Variants in LRP1B observed in about 807,000 individuals in gnomAD.
The protein encoded by LRP1B is low-density lipoprotein receptor-related protein 1B.
LRP1B carries 217 observed loss-of-function variants against 556.6 expected under a neutral mutation model. The ratio of observed to expected loss-of-function variants is 0.39; its 90% CI spans 0.35 to 0.44. The LOEUF (loss-of-function observed/expected upper bound fraction) is 0.44, where lower values mean the gene tolerates loss of function less well. LRP1B is among the 20% of genes least tolerant of loss of function. The probability of loss-of-function intolerance (pLI) is 1.00; values close to 1 mark genes in which losing one functional copy is unlikely to be tolerated. For synonymous variants in LRP1B, 2,047 were observed against 1,865.8 expected (o/e 1.10, Z -2.50); for missense variants, 5,053 against 5,620.8 (o/e 0.90, Z 3.23).
At chr2:140,821,207 TA>T (rs1330839203) in intron 31 of LRP1B, among the ~76,000 whole-genome samples, 1 of 152,162 alleles carries the variant, frequency 6.6e-6, no homozygotes, top group East Asian at 1.9e-4. Flanking sequence ...TAGGGTCTAG[TA>T]CCTAGTGTAC....
intron 3 of LRP1B, among the ~76,000 whole-genome samples, chr2:141,449,108 C>A (rs749049361): frequency 6.6e-6 from 1 of 152,172 alleles, no homozygotes; most frequent in Admixed American, 6.5e-5. Flanking sequence ...ACTGCCATTA[C>A]CTTTTTTGTT....
At chr2:141,534,035 A>G (rs1438267482) in intron 2 of LRP1B, among the ~76,000 whole-genome samples, 2 of 131,894 alleles carry the variant, frequency 1.5e-5, no homozygotes, top group Non-Finnish European at 1.8e-5. Context: ...ACGAGAGAGA[A>G]GGAAAAAGAG....
intron 2 of LRP1B, among the ~76,000 whole-genome samples, chr2:141,691,462 G>GC: frequency 1.8e-5 from 1 of 55,774 alleles, no homozygotes; most frequent in Non-Finnish European, 3.3e-5. Context: ...CAGGTAATCA[G>GC]CCAACACACA....
At chr2:140,712,105 G>A (rs865782451) in intron 37 of LRP1B, among the ~76,000 whole-genome samples, 4 of 152,062 alleles carry the variant, frequency 2.6e-5, no homozygotes, top group Non-Finnish European at 5.9e-5. Flanking sequence ...TTTCTTTGGA[G>A]GATTATCCTG....
rs112855247 is a variant in LRP1B at position 140,456,263 on chromosome 2, G to A, written c.9963+192C>T. 5.0e-3 allele frequency among the ~76,000 whole-genome samples: 758 copies of A among 151,662 alleles called. 9 individuals are homozygous for A. The highest frequency in any genetic ancestry group is 0.016 in the African/African-American group (652 of 41,394). ...TTTCTTTCTCTCTCTTTTTTTGTTT[G>A]TTTGTTTCCTTTTTGGCCTTTATTT... is the stretch of plus-strand genomic sequence containing the variant. On this transcript the variant is annotated intron_variant, in intron 62 of 90. Transcript: ENST00000389484.
intron 7 of LRP1B, among the ~76,000 whole-genome samples, chr2:141,104,564 T>C (rs570505308): frequency 1.2e-4 from 19 of 152,098 alleles, no homozygotes; most frequent in Non-Finnish European, 2.4e-4. Context: ...TGTTTCCTCT[T>C]CTCCGCTAGA....
At chr2:141,522,670 T>C (rs1412713408) in intron 2 of LRP1B, among the ~76,000 whole-genome samples, 2 of 152,086 alleles carry the variant, frequency 1.3e-5, no homozygotes, top group Non-Finnish European at 2.9e-5. Context: ...GGTTCAAATA[T>C]TGGAAACATA....
chr2:140,721,845 C>T (rs1008928141), intron 35 of LRP1B, among the ~76,000 whole-genome samples: 2 of 151,644 alleles, frequency 1.3e-5, no homozygotes, highest in Non-Finnish European at 2.9e-5. Flanking sequence ...CCCTCTGAGG[C>T]AAATTGTTTC....
At position 140,286,269 on chromosome 2, in the gene LRP1B, A is replaced by C. The variant is rs573239617; in HGVS notation, c.12967+11539T>G. 2.6e-5 allele frequency among the ~76,000 whole-genome samples: 4 copies of C among 151,960 alleles called. No individual in the cohort carries two copies. In the South Asian group the frequency reaches 8.3e-4, roughly 32 times the overall value. On this transcript the variant is annotated intron_variant, in intron 84 of 90. Transcript: ENST00000389484. The stretch of plus-strand genomic sequence containing the variant: ...AGTTATAAATTTTTATAAATATTGG[A>C]TCATCCAAGGCTGGTTCGTCCTATT...
At chr2:141,474,000 A>ATTCATTCCTTCCTTCC (rs374159226) in intron 3 of LRP1B, among the ~76,000 whole-genome samples, 4 of 130,516 alleles carry the variant, frequency 3.1e-5, no homozygotes, top group African/African-American at 1.2e-4. Flanking sequence ...GCTTTACTAA[A>ATTCATTCCTTCCTTCC]TTCCTTCCTT....
intron 7 of LRP1B, among the ~76,000 whole-genome samples, chr2:141,149,990 T>C (rs1386841851): frequency 2.6e-5 from 4 of 152,122 alleles, no homozygotes; most frequent in South Asian, 2.1e-4. Flanking sequence ...TTTTGAATAG[T>C]TGGAAGATGC....
At chr2:141,281,181 T>C (rs952226082) in intron 3 of LRP1B, among the ~76,000 whole-genome samples, 4 of 152,084 alleles carry the variant, frequency 2.6e-5, no homozygotes, top group African/African-American at 9.6e-5. Context: ...CTTTCTTTTC[T>C]GGCAGCAAAG....
intron 3 of LRP1B, among the ~76,000 whole-genome samples, chr2:141,303,798 T>C (rs1242714593): frequency 6.6e-6 from 1 of 152,184 alleles, no homozygotes; most frequent in Admixed American, 6.5e-5. Flanking sequence ...ATTGCTGAAT[T>C]GTATGGTAGT....
At chr2:140,762,736 A>G (rs543077182) in intron 35 of LRP1B, among the ~76,000 whole-genome samples, 2 of 152,322 alleles carry the variant, frequency 1.3e-5, no homozygotes, top group Admixed American at 1.3e-4. Context: ...CCCATAAACA[A>G]ATTAAATAAC....
At chr2:141,861,517 CT>C (rs1234744271) in intron 1 of LRP1B, among the ~76,000 whole-genome samples, 1 of 152,164 alleles carries the variant, frequency 6.6e-6, no homozygotes, top group Non-Finnish European at 1.5e-5. Flanking sequence ...ATTATCAGAG[CT>C]TTGGTCACCA....
chr2:140,408,642 A>C (rs2105242590), intron 66 of LRP1B, among the ~76,000 whole-genome samples: 1 of 152,120 alleles, frequency 6.6e-6, no homozygotes, highest in African/African-American at 2.4e-5. Context: ...TTGAAGACTG[A>C]GGGATTGAGT....
chr2:141,252,281 G>A (rs1684292817), intron 4 of LRP1B, among the ~76,000 whole-genome samples: 1 of 149,942 alleles, frequency 6.7e-6, no homozygotes, highest in Admixed American at 6.7e-5. Context: ...GTGAATCCTT[G>A]TTTCAGAGTT....
intron 2 of LRP1B, among the ~76,000 whole-genome samples, chr2:141,558,481 T>A (rs1385754042): frequency 6.6e-6 from 1 of 151,782 alleles, no homozygotes; most frequent in African/African-American, 2.4e-5. Context: ...TCACATAAAA[T>A]GGGATTCTCT....
At chr2:142,054,374 C>T (rs969677490) in intron 1 of LRP1B, among the ~76,000 whole-genome samples, 2 of 151,992 alleles carry the variant, frequency 1.3e-5, no homozygotes, top group African/African-American at 4.8e-5. Flanking sequence ...TGTCCCATCC[C>T]CACTACTAGT....
Sources: gnomAD v4.1 joint callset for allele counts (sites outside exome capture counted in the v4.1 genomes callset) on GRCh38, gnomAD v4.1.1 for gene constraint, MANE v1.5 for transcripts, NCBI Gene and HGNC (gene_info 2026-07-23, HGNC 2026-07-21) for gene names.